Variants in COPG2 observed in about 807,000 individuals in gnomAD.
COPG2 encodes the protein coat protein complex I subunit gamma 2, also known as coatomer subunit gamma-2.
A neutral mutation model predicts 46.3 loss-of-function variants in COPG2; 37 were observed. The ratio of observed to expected loss-of-function variants is 0.80; its 90% CI spans 0.61 to 1.05. The LOEUF is 1.05. COPG2 is among the 50% of genes least tolerant of loss of function. The pLI, the probability that COPG2 is intolerant of heterozygous loss-of-function variation, is 0.00. For missense variants in COPG2, 427 were observed against 387.8 expected (o/e 1.10, Z -0.85); for synonymous variants, 159 against 129.7 (o/e 1.23, Z -1.53).
intron 12 of COPG2, among the ~76,000 whole-genome samples, chr7:130,556,565 T>C (rs1193656843): frequency 2.6e-5 from 4 of 152,102 alleles, no homozygotes; most frequent in Non-Finnish European, 5.9e-5. Context: ...TTAAGCCTAA[T>C]AAAGATGGTA....
intron 20 of COPG2, among the ~76,000 whole-genome samples, chr7:130,513,999 G>A (rs1429875840): frequency 2.0e-5 from 3 of 152,212 alleles, no homozygotes; most frequent in South Asian, 2.1e-4. Flanking sequence ...GTAGGTAAGC[G>A]TAGGTGGAGT....
intron 11 of COPG2, 79 bp from the exon 12 acceptor site, chr7:130,561,300 G>A (rs984842466): frequency 1.8e-4 from 71 of 397,682 alleles, no homozygotes; most frequent in Non-Finnish European, 2.9e-4. Context: ...TGAGGTAAGT[G>A]GCAATCCAAA....
At chr7:130,624,633 T>G (rs1393122377) in intron 5 of COPG2, among the ~76,000 whole-genome samples, 1 of 152,178 alleles carries the variant, frequency 6.6e-6, no homozygotes, top group Non-Finnish European at 1.5e-5. Flanking sequence ...TGTGTCCTTG[T>G]AGCTTAGCTC....
At chr7:130,638,611 A>G (rs1554456739) in intron 5 of COPG2, among the ~76,000 whole-genome samples, 1 of 152,118 alleles carries the variant, frequency 6.6e-6, no homozygotes, top group Admixed American at 6.5e-5. Context: ...TCAACTTCAG[A>G]CTGCTGTGCT....
At chr7:130,531,227 C>T (rs1029235667) in intron 20 of COPG2, among the ~76,000 whole-genome samples, 4 of 150,214 alleles carry the variant, frequency 2.7e-5, no homozygotes, top group Non-Finnish European at 5.9e-5. Context: ...AGCCAAGCCC[C>T]CAGCATTGAG....
chr7:130,592,646 C>G (rs990665886), intron 9 of COPG2, among the ~76,000 whole-genome samples: 1 of 152,042 alleles, frequency 6.6e-6, no homozygotes, highest in South Asian at 2.1e-4. Context: ...GCAAACACGC[C>G]AGACTTTTCA....
At chr7:130,508,391 TC>T in intron 21 of COPG2, 170 bp downstream of exon 21, 1 of 564,420 alleles carries the variant, frequency 1.8e-6, no homozygotes, top group East Asian at 2.9e-5. Context: ...CCTGGTGCTG[TC>T]CAGTTACAGA....
intron 8 of COPG2, among the ~76,000 whole-genome samples, chr7:130,611,509 A>T (rs1237265799): frequency 6.6e-6 from 1 of 152,222 alleles, no homozygotes; most frequent in African/African-American, 2.4e-5. Flanking sequence ...AGCAGGCTAC[A>T]AGAGTGTCAT....
intron 20 of COPG2, chr7:130,509,996 G>C: frequency 2.1e-6 from 1 of 484,592 alleles, no homozygotes; most frequent in Non-Finnish European, 4.1e-6. Context: ...GAAACAGTAA[G>C]AGGCATGCTA....
chr7:130,573,679 T>A (rs1376876748), intron 9 of COPG2, among the ~76,000 whole-genome samples: 1 of 152,130 alleles, frequency 6.6e-6, no homozygotes, highest in Non-Finnish European at 1.5e-5. Context: ...ATTATCTTCA[T>A]AGATGAACAA....
intron 20 of COPG2, among the ~76,000 whole-genome samples, chr7:130,524,368 C>T (rs954406867): frequency 1.3e-5 from 2 of 152,122 alleles, no homozygotes; most frequent in Admixed American, 1.3e-4. Context: ...GCAGGTGGGA[C>T]AGTACCGTGC....
At chr7:130,630,657 T>G (rs1795210755) in intron 5 of COPG2, among the ~76,000 whole-genome samples, 1 of 152,238 alleles carries the variant, frequency 6.6e-6, no homozygotes, top group African/African-American at 2.4e-5. Context: ...GAAACTCTGT[T>G]ATTAGCTCCA....
At chr7:130,565,444 T>C (rs1793787695) in intron 9 of COPG2, among the ~76,000 whole-genome samples, 3 of 152,080 alleles carry the variant, frequency 2.0e-5, no homozygotes, top group Non-Finnish European at 4.4e-5. Context: ...ACCCCAGGGA[T>C]AGGGAAAGGG....
intron 5 of COPG2, among the ~76,000 whole-genome samples, chr7:130,621,024 T>C (rs1173630723): frequency 4.6e-5 from 7 of 152,278 alleles, no homozygotes; most frequent in Admixed American, 4.6e-4. Flanking sequence ...ATTATTTGGG[T>C]GAGTCCTAAA....
intron 5 of COPG2, among the ~76,000 whole-genome samples, chr7:130,641,090 A>T (rs1554457183): frequency 6.6e-6 from 1 of 150,866 alleles, no homozygotes; most frequent in East Asian, 2.0e-4. Context: ...CTGTAATTCC[A>T]GCACTTTGGG....
intron 14 of COPG2, among the ~76,000 whole-genome samples, chr7:130,554,160 T>C (rs1318095416): frequency 6.6e-5 from 10 of 151,942 alleles, no homozygotes; most frequent in African/African-American, 2.4e-4. Context: ...GAAAGAAAGA[T>C]TAGGGAGGAA....
rs200500040 is a variant in COPG2 at position 130,641,026 on chromosome 7, T to TA, written c.323+11842dup. On this transcript the variant is annotated intron_variant, in intron 5 of 23. Coordinates refer to ENST00000425248, the MANE Select transcript of COPG2 (RefSeq NM_012133.6). Reference sequence around the variant, plus strand: ...TATATTAAAATACTAGAACAGAGGTTAAAAAAAAAAATCAAGTGTTAGAAC... The same window carrying TA: ...TATATTAAAATACTAGAACAGAGGTTAAAAAAAAAAAATCAAGTGTTAGAAC... 1.3e-3 allele frequency among the ~76,000 whole-genome samples: 189 copies of TA among 146,196 alleles called. 2 individuals carry two copies. The East Asian group carries it at 0.025, about 19-fold the overall frequency.
chr7:130,627,470 A>G (rs1361428175), intron 5 of COPG2, among the ~76,000 whole-genome samples: 3 of 152,172 alleles, frequency 2.0e-5, no homozygotes, highest in Non-Finnish European at 4.4e-5. Flanking sequence ...GCACCATCCT[A>G]TAAAATCCCA....
intron 9 of COPG2, among the ~76,000 whole-genome samples, chr7:130,588,942 G>A (rs140736759): frequency 1.1e-4 from 16 of 151,898 alleles, no homozygotes; most frequent in African/African-American, 1.9e-4. Context: ...TTTACCCCCC[G>A]CCACACACAT....
Sources: allele counts gnomAD v4.1 joint callset (sites outside exome capture counted in the v4.1 genomes callset), GRCh38; gene constraint gnomAD v4.1.1; transcripts MANE v1.5; gene names NCBI Gene and HGNC (gene_info 2026-07-23, HGNC 2026-07-21).